The following ULK4 variants were observed in gnomAD, a reference collection of about 807,000 sequenced individuals.
ULK4 encodes unc-51 like kinase 4.
In ULK4, 133 loss-of-function variants were observed where a neutral mutation model predicts 160.6. That is an observed-to-expected ratio of 0.83 (90% CI 0.72 to 0.96). The LOEUF (loss-of-function observed/expected upper bound fraction) is 0.96, where lower values mean the gene tolerates loss of function less well. ULK4 is among the 40% of genes least tolerant of loss of function. The pLI, the probability that ULK4 is intolerant of heterozygous loss-of-function variation, is 0.00. For synonymous variants in ULK4, 534 were observed against 539.8 expected (o/e 0.99, Z 0.15); for missense variants, 1,580 against 1,499.5 (o/e 1.05, Z -0.89).
At chr3:41,600,193 ACTC>A (rs1298760426) in intron 31 of ULK4, among the ~76,000 whole-genome samples, 1 of 151,290 alleles carries the variant, frequency 6.6e-6, no homozygotes, top group Non-Finnish European at 1.5e-5. Flanking sequence ...ATCCACCACC[ACTC>A]CTCCTTACCT....
At chr3:41,347,897 G>A (rs1430843068) in intron 35 of ULK4, among the ~76,000 whole-genome samples, 1 of 152,066 alleles carries the variant, frequency 6.6e-6, no homozygotes, top group African/African-American at 2.4e-5. Flanking sequence ...CAGATTTCCT[G>A]ATTTAATAAG....
intron 17 of ULK4, among the ~76,000 whole-genome samples, chr3:41,855,202 T>G (rs749916282): frequency 1.2e-4 from 16 of 137,714 alleles, no homozygotes; most frequent in Non-Finnish European, 1.9e-4. Context: ...ATAGGGTACC[T>G]TGACCACGAC....
intron 35 of ULK4, among the ~76,000 whole-genome samples, chr3:41,307,813 G>A (rs2079976679): frequency 6.9e-6 from 1 of 145,648 alleles, no homozygotes; most frequent in Non-Finnish European, 1.5e-5. Flanking sequence ...CTGGGTGACA[G>A]AGCAAAACCC....
intron 31 of ULK4, among the ~76,000 whole-genome samples, chr3:41,586,147 G>C (rs2030782618): frequency 6.6e-6 from 1 of 152,078 alleles, no homozygotes. Context: ...ACACTTCTGG[G>C]TATATATCCA....
At chr3:41,371,604 C>G (rs540841612) in intron 35 of ULK4, among the ~76,000 whole-genome samples, 1 of 152,242 alleles carries the variant, frequency 6.6e-6, no homozygotes, top group South Asian at 2.1e-4. Context: ...GCATCAACAT[C>G]AACAAAAAGG....
intron 32 of ULK4, among the ~76,000 whole-genome samples, chr3:41,530,646 A>C (rs1174953837): frequency 6.6e-6 from 1 of 152,198 alleles, no homozygotes; most frequent in Non-Finnish European, 1.5e-5. Context: ...TATAACAGAT[A>C]ATTTTTGCTT....
chr3:41,951,224 A>G (rs1283211090), intron 2 of ULK4, among the ~76,000 whole-genome samples: 2 of 151,374 alleles, frequency 1.3e-5, no homozygotes, highest in Admixed American at 6.6e-5. Flanking sequence ...CAATTTTCAG[A>G]TATTAATAAT....
chr3:41,626,014 C>A (rs1480174235), intron 30 of ULK4, among the ~76,000 whole-genome samples: 1 of 152,138 alleles, frequency 6.6e-6, no homozygotes, highest in African/African-American at 2.4e-5. Context: ...GTTTCCAGGA[C>A]CACTTTACCC....
intron 35 of ULK4, among the ~76,000 whole-genome samples, chr3:41,328,272 G>A (rs1030609097): frequency 1.3e-5 from 2 of 152,170 alleles, no homozygotes; most frequent in Admixed American, 1.3e-4. Context: ...GTGGCCCTGT[G>A]ACCCTGGCAT....
rs143244051 is a variant in ULK4, at chr3:41,872,394, T to G, written c.1656+11480A>C. Among the ~76,000 whole-genome samples, 923 of 152,336 alleles carry G rather than the reference T, an allele frequency of 6.1e-3. 12 individuals are homozygous for G. The highest frequency in any genetic ancestry group is 0.021 in the African/African-American group (861 of 41,568). Reference sequence around the variant, plus strand: ...GGAACTTGTACACATATTTTGTGACTCTGCTCTTACTATGATTTTTCCCTA... The same window carrying G: ...GGAACTTGTACACATATTTTGTGACGCTGCTCTTACTATGATTTTTCCCTA... On this transcript the variant is annotated intron_variant, in intron 17 of 36. Coordinates refer to ENST00000301831, the MANE Select transcript of ULK4 (RefSeq NM_017886.4).
At chr3:41,851,087 G>A (rs1559606581) in intron 17 of ULK4, among the ~76,000 whole-genome samples, 1 of 152,086 alleles carries the variant, frequency 6.6e-6, no homozygotes, top group Non-Finnish European at 1.5e-5. Flanking sequence ...CTGCCTGATT[G>A]CCCTTGCCAG....
chr3:41,471,127 A>T (rs1036384247), intron 32 of ULK4, among the ~76,000 whole-genome samples: 1 of 152,180 alleles, frequency 6.6e-6, no homozygotes, highest in South Asian at 2.1e-4. Context: ...TTAAGGACAC[A>T]CACAAACTGA....
chr3:41,633,833 G>A (rs929141571), intron 30 of ULK4, among the ~76,000 whole-genome samples: 5 of 152,046 alleles, frequency 3.3e-5, no homozygotes, highest in Non-Finnish European at 7.4e-5. Flanking sequence ...CTACCAGGAG[G>A]CCACTACCAT....
chr3:41,715,446 C>A lies in ULK4; in HGVS notation c.2577+1G>T. 6.2e-7 allele frequency: 1 copy of A among 1,614,070 alleles called. No homozygotes were observed. The highest frequency in any genetic ancestry group is 1.3e-5 in the African/African-American group (1 of 75,026). On this transcript the variant is annotated splice_donor_variant, in intron 24 of 36. Transcript: ENST00000301831. LOFTEE classifies it high-confidence loss of function. ...CCTTTTCCTCCTCAATACAATAGTACCTGTGAAGTTACGAGGTGAAGCACT... is the reference window on the plus strand; with the variant it reads ...CCTTTTCCTCCTCAATACAATAGTAACTGTGAAGTTACGAGGTGAAGCACT...
rs766743896 is a variant in ULK4 at position 41,789,800 on chromosome 3, T to G, written c.2054A>C (p.Asn685Thr). The change falls in exon 21 of 37, where the codon AAT becomes ACT. Residue 685 changes from asparagine to threonine, a missense_variant. Physicochemically the swap from Asn to Thr is moderately conservative, Grantham distance 65 (BLOSUM62 0). Coordinates refer to ENST00000301831, the MANE Select transcript of ULK4 (RefSeq NM_017886.4). ...GTTCAGTCCCACCTTTTCAATAACA[T>G]TCTGGAAGGCAGTAGGAGAATGGCG... ...ITRHSPTAFQ[N>T]VIEKVGLNSV... 6.8e-6 allele frequency: 11 copies of G among 1,613,224 alleles called. No homozygotes were observed. In the South Asian group the frequency reaches 1.2e-4, roughly 18 times the overall value.
chr3:41,525,541 T>A (rs2086084421), intron 32 of ULK4, among the ~76,000 whole-genome samples: 2 of 152,152 alleles, frequency 1.3e-5, no homozygotes, highest in African/African-American at 4.8e-5. Context: ...AAGGGCATAG[T>A]TCCTGTAAAA....
At chr3:41,901,557 C>T (rs1396842347) in intron 12 of ULK4, among the ~76,000 whole-genome samples, 3 of 142,028 alleles carry the variant, frequency 2.1e-5, no homozygotes, top group Non-Finnish European at 4.6e-5. Context: ...CTCAGCTCAC[C>T]GCAACCTCTG....
At chr3:41,327,436 C>T (rs1223348856) in intron 35 of ULK4, among the ~76,000 whole-genome samples, 3 of 152,084 alleles carry the variant, frequency 2.0e-5, no homozygotes, top group African/African-American at 7.2e-5. Flanking sequence ...TCCTCTTGCC[C>T]GTATTCTGGC....
At chr3:41,807,042 G>A (rs987870556) in intron 19 of ULK4, among the ~76,000 whole-genome samples, 3 of 151,902 alleles carry the variant, frequency 2.0e-5, no homozygotes, top group Admixed American at 1.3e-4. Context: ...GTAGGAGGAT[G>A]GCTTGATCCC....
Sources: allele counts gnomAD v4.1 joint callset (sites outside exome capture counted in the v4.1 genomes callset), GRCh38; gene constraint gnomAD v4.1.1; transcripts MANE v1.5; gene names NCBI Gene and HGNC (gene_info 2026-07-23, HGNC 2026-07-21).